Variants in FNTB observed in about 807,000 individuals in gnomAD.
FNTB encodes the protein protein farnesyltransferase subunit beta.
FNTB carries 27 observed loss-of-function variants against 59.4 expected under a neutral mutation model. That is an observed-to-expected ratio of 0.45 (90% CI 0.34 to 0.63). The LOEUF is 0.63. Ranked by LOEUF, FNTB falls within the 20% of genes least tolerant of loss-of-function variation. FNTB has a pLI of 0.02. For synonymous variants in FNTB, 230 were observed against 220.7 expected (o/e 1.04, Z -0.37); for missense variants, 449 against 559.6 (o/e 0.80, Z 1.99).
intron 4 of FNTB, among the ~76,000 whole-genome samples, chr14:65,020,465 G>T (rs2061864424): frequency 6.6e-6 from 1 of 151,890 alleles, no homozygotes; most frequent in Non-Finnish European, 1.5e-5. Context: ...TCGCTCTGTT[G>T]CCCAGACTGG....
rs149157658 is a variant in FNTB at position 65,006,223 on chromosome 14, G to A, written c.209+1910G>A. Reference sequence around the variant, plus strand: ...TTCTGATTAGCCATGGCAGAAAACAGTTGGAAAAGGCAAGTGTTCATAAGG... The same window carrying A: ...TTCTGATTAGCCATGGCAGAAAACAATTGGAAAAGGCAAGTGTTCATAAGG... On this transcript the variant is annotated intron_variant, in intron 2 of 11. Transcript: ENST00000246166. 1.7e-5 allele frequency: 28 copies of A among 1,608,450 alleles called. No homozygotes were observed. In the African/African-American group the frequency reaches 3.3e-4, roughly 19 times the overall value.
At chr14:65,040,000 G>A (rs572652116) in intron 7 of FNTB, among the ~76,000 whole-genome samples, 1 of 152,136 alleles carries the variant, frequency 6.6e-6, no homozygotes, top group South Asian at 2.1e-4. Flanking sequence ...ACCAGCCTGG[G>A]TAACATGGCA....
At chr14:64,989,960 T>C (rs1370153177) in intron 1 of FNTB, among the ~76,000 whole-genome samples, 1 of 151,964 alleles carries the variant, frequency 6.6e-6, no homozygotes, top group Non-Finnish European at 1.5e-5. Flanking sequence ...GGTCTTCATA[T>C]AAGGTGTTAA....
intron 7 of FNTB, 52 bp from the exon 8 acceptor site, chr14:65,040,738 G>A: frequency 6.3e-7 from 1 of 1,575,142 alleles, no homozygotes; most frequent in African/African-American, 1.4e-5. Context: ...TCCTGGTCTT[G>A]TGTACGTCCA....
intron 4 of FNTB, among the ~76,000 whole-genome samples, chr14:65,019,285 G>A (rs545457217): frequency 2.6e-5 from 4 of 152,266 alleles, no homozygotes; most frequent in Admixed American, 1.3e-4. Flanking sequence ...TCAGGAGTTC[G>A]AGACCAGTCT....
chr14:64,987,185 A>G (rs1887978845), intron 1 of FNTB, 88 bp downstream of exon 1: 3 of 1,485,162 alleles, frequency 2.0e-6, no homozygotes, highest in Non-Finnish European at 2.8e-6. Context: ...TGCGGAACTC[A>G]CCGGGGAACT....
At chr14:65,053,399 A>G in intron 10 of FNTB, 50 bp downstream of exon 10, 8 of 1,340,200 alleles carry the variant, frequency 6.0e-6, no homozygotes, top group Non-Finnish European at 7.7e-6. Flanking sequence ...GAGAGAGCAG[A>G]GGGGCGTGCA....
chr14:65,016,275 A>G (rs1320490855), intron 4 of FNTB, among the ~76,000 whole-genome samples: 1 of 152,200 alleles, frequency 6.6e-6, no homozygotes, highest in African/African-American at 2.4e-5. Flanking sequence ...CTTCTTCCCA[A>G]GATCCTTGTA....
intron 1 of FNTB, chr14:65,003,816 C>T (rs2061544046): frequency 6.6e-6 from 1 of 152,392 alleles, no homozygotes; most frequent in South Asian, 2.1e-4. Flanking sequence ...TTATAGATGT[C>T]AATTTCCCTC....
Position 64,995,694 on chromosome 14 carries a change from GATAT to G in FNTB, c.145-8552_145-8549del, listed in dbSNP as rs1023973667. On this transcript the variant is annotated intron_variant, in intron 1 of 11. Transcript: ENST00000246166. ...CTTAGTTTATATTATATATTTTAAA[GATAT>G]ATGTGTATATTATATATGTATATAT... 2.0e-5 allele frequency among the ~76,000 whole-genome samples: 3 copies of G among 149,952 alleles called. No homozygotes were observed. The East Asian group carries it at 5.8e-4, about 29-fold the overall frequency.
At chr14:64,995,489 T>G (rs1445256285) in intron 1 of FNTB, among the ~76,000 whole-genome samples, 1 of 151,994 alleles carries the variant, frequency 6.6e-6, no homozygotes, top group East Asian at 1.9e-4. Context: ...GAGTAATGCT[T>G]TGTGCTACAA....
At chr14:65,042,216 A>G (rs1276106966) in intron 8 of FNTB, among the ~76,000 whole-genome samples, 1 of 152,178 alleles carries the variant, frequency 6.6e-6, no homozygotes, top group Non-Finnish European at 1.5e-5. Context: ...TGATGGCTTC[A>G]GGATGATTCA....
chr14:65,050,166 T>C (rs1375087837), intron 9 of FNTB, among the ~76,000 whole-genome samples: 1 of 152,092 alleles, frequency 6.6e-6, no homozygotes, highest in East Asian at 1.9e-4. Flanking sequence ...ACAGACACCA[T>C]CATAAGGAAA....
intron 2 of FNTB, among the ~76,000 whole-genome samples, chr14:65,004,693 G>A (rs147575704): frequency 4.6e-5 from 7 of 151,048 alleles, no homozygotes; most frequent in East Asian, 3.9e-4. Context: ...ACAGCGTTTC[G>A]CTCTTGTTGC....
At chr14:65,035,628 C>G in intron 7 of FNTB, among the ~76,000 whole-genome samples, 1 of 152,206 alleles carries the variant, frequency 6.6e-6, no homozygotes. Context: ...CTCCTGGGCT[C>G]AAGCAATCCT....
At position 65,061,184 on chromosome 14, in the gene FNTB, C is replaced by G. The variant is rs1233740600; in HGVS notation, c.1186C>G (p.Pro396Ala). Reference protein sequence around the residue: ...VLGVPENALQPTHPVYNIGPD... With the variant: ...VLGVPENALQATHPVYNIGPD... Reference sequence around the variant, plus strand: ...GCACCTTTTCTTCTCTTTGCAGCAGCCCACTCACCCAGTGTACAACATTGG... The same window carrying G: ...GCACCTTTTCTTCTCTTTGCAGCAGGCCACTCACCCAGTGTACAACATTGG... The change falls in exon 12 of 12, where the codon CCC becomes GCC. Residue 396 changes from proline to alanine, a missense_variant. By Grantham distance (27) the Pro-to-Ala change is conservative. Transcript: ENST00000246166. 1.9e-6 allele frequency: 3 copies of G among 1,614,004 alleles called. No individual in the cohort carries two copies. Among genetic ancestry groups the G allele is most frequent in the Non-Finnish European group, 2.5e-6 (3 of 1,179,928 alleles).
In FNTB at chr14:64,991,854, C is replaced by T. The variant is rs1004020359; in HGVS notation, c.144+4757C>T. ...GGGCGTTAAGATGGCTTACCAGGAA[C>T]GGAGGGTGCAGGTTGGATGTGGTAG... On this transcript the variant is annotated intron_variant, in intron 1 of 11. Transcript: ENST00000246166. This position sits in a 1 kb window ranked among gnomAD's most constrained non-coding sequence, Gnocchi z 4.4. 6.6e-6 allele frequency among the ~76,000 whole-genome samples: 1 copy of T among 151,934 alleles called. No homozygotes were observed. The highest frequency in any genetic ancestry group is 6.6e-5 in the Admixed American group (1 of 15,228).
chr14:65,038,502 G>A (rs2062266762), intron 7 of FNTB, among the ~76,000 whole-genome samples: 1 of 151,872 alleles, frequency 6.6e-6, no homozygotes, highest in Admixed American at 6.6e-5. Context: ...GGCAGATCAC[G>A]AGGTCAGGAG....
intron 9 of FNTB, among the ~76,000 whole-genome samples, chr14:65,050,745 T>A (rs1432004282): frequency 1.3e-5 from 2 of 152,250 alleles, no homozygotes; most frequent in Non-Finnish European, 2.9e-5. Flanking sequence ...ACAGGGATTG[T>A]GCTGAGAGTA....
Sources: gnomAD v4.1 joint callset for allele counts (sites outside exome capture counted in the v4.1 genomes callset) on GRCh38, gnomAD v4.1.1 for gene constraint, Gnocchi (gnomAD v3.1) non-coding constraint, MANE v1.5 for transcripts, NCBI Gene and HGNC (gene_info 2026-07-23, HGNC 2026-07-21) for gene names.